Variants in ERI1 observed in about 807,000 individuals in gnomAD.
The protein encoded by ERI1 is exoribonuclease 1.
ERI1 carries 39 observed loss-of-function variants against 39.7 expected under a neutral mutation model. The observed-to-expected ratio is 0.98, with a 90% CI of 0.76 to 1.28. The LOEUF (loss-of-function observed/expected upper bound fraction) is 1.28. Ranked by LOEUF, ERI1 falls within the 50% of genes most tolerant of loss-of-function variation. The probability of loss-of-function intolerance (pLI) is 0.00; values close to 1 mark genes in which losing one functional copy is unlikely to be tolerated. For synonymous variants in ERI1, 204 were observed against 149.6 expected (o/e 1.36, Z -2.65); for missense variants, 581 against 416.9 (o/e 1.39, Z -3.43).
chr8:9,038,924 C>G (rs1797935600), intron 3 of ERI1, among the ~76,000 whole-genome samples: 2 of 152,190 alleles, frequency 1.3e-5, no homozygotes, highest in African/African-American at 4.8e-5. Flanking sequence ...AAGGCTTTTA[C>G]TCAGTTCTTT....
Position 9,002,907 on chromosome 8 carries a change from G to A in ERI1, c.-157G>A, listed in dbSNP as rs925431407. The A allele has an allele frequency of 3.2e-5, 15 of 463,166 alleles. No homozygotes were observed. The highest frequency in any genetic ancestry group is 1.2e-4 in the South Asian group (1 of 8,460). 28.7% of individuals were successfully genotyped at this position (463,166 alleles called of 1,614,324 possible). A position where few individuals can be genotyped will look rare whatever the true frequency, so the allele number is the denominator to read the frequency against. The stretch of plus-strand genomic sequence containing the variant: ...CGGCGTGTGGACGCCACACGCTCCC[G>A]GAAGTGGGAGGTGGCCGCTGGAGTT... On this transcript the variant is annotated 5_prime_UTR_variant, in exon 1 of 7. Coordinates refer to ENST00000250263, the MANE Select transcript of ERI1 (RefSeq NM_153332.4).
intron 3 of ERI1, among the ~76,000 whole-genome samples, chr8:9,058,236 G>A (rs565681029): frequency 6.6e-6 from 1 of 152,330 alleles, no homozygotes; most frequent in East Asian, 1.9e-4. Flanking sequence ...GAATCCGGCA[G>A]AGCTGATGGG....
chr8:9,028,754 G>C (rs1380819853), intron 6 of ERI1, among the ~76,000 whole-genome samples: 2 of 152,034 alleles, frequency 1.3e-5, no homozygotes, highest in African/African-American at 2.4e-5. Context: ...CTCCCGAGTA[G>C]CTGGGATTAC....
chr8:9,096,004 C>T (rs1417370093), intron 3 of ERI1, among the ~76,000 whole-genome samples: 2 of 152,116 alleles, frequency 1.3e-5, no homozygotes, highest in Admixed American at 6.6e-5. Flanking sequence ...ATAGGCTGAC[C>T]TGAGGATCAA....
chr8:9,097,232 G>C (rs997139779), intron 3 of ERI1, among the ~76,000 whole-genome samples: 2 of 151,886 alleles, frequency 1.3e-5, no homozygotes, highest in East Asian at 3.9e-4. Flanking sequence ...TATATTTTTT[G>C]TATTACTCTT....
intron 3 of ERI1, among the ~76,000 whole-genome samples, chr8:9,050,608 C>T (rs1295533745): frequency 6.6e-6 from 1 of 152,146 alleles, no homozygotes; most frequent in African/African-American, 2.4e-5. Context: ...GAACGTTTCA[C>T]TGCTGACTGA....
chr8:9,041,362 A>C (rs776177243), intron 3 of ERI1, among the ~76,000 whole-genome samples: 1 of 152,174 alleles, frequency 6.6e-6, no homozygotes, highest in Non-Finnish European at 1.5e-5. Flanking sequence ...GCTTTTAAAA[A>C]TCAGGTGTGT....
chr8:9,078,205 G>A lies in ERI1; in HGVS notation n.300-38143G>A, dbSNP rs183314415. ...AGGTTTCACCATGTTGGTCAGGCTG[G>A]TCCTGAACTGCTGACCTCAAGCAAT... On this transcript the variant is annotated intron_variant and non_coding_transcript_variant, in intron 3 of 3. Transcript: ENST00000518663. Among the ~76,000 whole-genome samples the A allele has an allele frequency of 2.2e-3, 336 of 152,226 alleles. 1 individual carries two copies. Among genetic ancestry groups the A allele is most frequent in the African/African-American group, 7.8e-3 (324 of 41,532 alleles).
intron 3 of ERI1, chr8:9,096,647 T>G (rs73522715): frequency 2.3e-3 from 337 of 149,238 alleles, no homozygotes; most frequent in African/African-American, 7.9e-3. Flanking sequence ...AGAAGAGGCC[T>G]AAGTGATCCA....
At chr8:9,055,821 T>C (rs1798489608) in intron 3 of ERI1, among the ~76,000 whole-genome samples, 1 of 152,230 alleles carries the variant, frequency 6.6e-6, no homozygotes. Flanking sequence ...ATTACAGGCA[T>C]GAGCCACTGT....
chr8:9,009,055 A>AT (rs1351578483), intron 2 of ERI1: 1 of 456,086 alleles, frequency 2.2e-6, no homozygotes, highest in East Asian at 6.9e-5. Context: ...CCTACAGAAG[A>AT]TTTTCCGAGC....
At chr8:9,026,363 A>G (rs1263156711) in intron 6 of ERI1, among the ~76,000 whole-genome samples, 1 of 152,176 alleles carries the variant, frequency 6.6e-6, no homozygotes, top group Non-Finnish European at 1.5e-5. Flanking sequence ...CTCATATTCC[A>G]AAAGTGAAAC....
intron 3 of ERI1, among the ~76,000 whole-genome samples, chr8:9,084,416 A>G (rs542369438): frequency 1.3e-5 from 2 of 152,296 alleles, no homozygotes; most frequent in African/African-American, 4.8e-5. Context: ...AATTGTATGG[A>G]CAGTGGCTGC....
intron 3 of ERI1, among the ~76,000 whole-genome samples, chr8:9,057,794 G>C (rs1320536861): frequency 6.6e-6 from 1 of 152,208 alleles, no homozygotes; most frequent in Non-Finnish European, 1.5e-5. Context: ...CAGATGTAAA[G>C]TGTGGTCAGG....
intron 3 of ERI1, among the ~76,000 whole-genome samples, chr8:9,094,274 C>G (rs555507258): frequency 6.6e-6 from 1 of 152,184 alleles, no homozygotes; most frequent in Non-Finnish European, 1.5e-5. Flanking sequence ...AGGACAAATC[C>G]AAGCAACCAG....
At chr8:9,087,668 G>A (rs1563097957) in intron 3 of ERI1, among the ~76,000 whole-genome samples, 1 of 152,166 alleles carries the variant, frequency 6.6e-6, no homozygotes, top group Non-Finnish European at 1.5e-5. Context: ...GTTTGGAGAT[G>A]TAGCAACACA....
At chr8:9,052,196 G>A (rs1359874918) in intron 3 of ERI1, among the ~76,000 whole-genome samples, 2 of 152,138 alleles carry the variant, frequency 1.3e-5, no homozygotes, top group Non-Finnish European at 2.9e-5. Context: ...TCTATGGGAC[G>A]TTTTCTGTGA....
At chr8:9,005,367 A>G (rs1197235368) in intron 1 of ERI1, among the ~76,000 whole-genome samples, 1 of 152,158 alleles carries the variant, frequency 6.6e-6, no homozygotes, top group East Asian at 1.9e-4. Context: ...TTTTCTTGCA[A>G]CAACAGATTG....
chr8:9,034,749 C>G (rs1205040008), downstream of ERI1, among the ~76,000 whole-genome samples: 1 of 152,130 alleles, frequency 6.6e-6, no homozygotes, highest in African/African-American at 2.4e-5. Context: ...CACTTTAAAT[C>G]AAAAACTAGA....
Sources: gnomAD v4.1 joint callset for allele counts (sites outside exome capture counted in the v4.1 genomes callset) on GRCh38, gnomAD v4.1.1 for gene constraint, MANE v1.5 for transcripts, NCBI Gene and HGNC (gene_info 2026-07-23, HGNC 2026-07-21) for gene names.